The following ERO1A variants were observed in gnomAD, a reference collection of about 807,000 sequenced individuals.
The protein encoded by ERO1A is ERO1-like protein alpha.
A neutral mutation model predicts 76.9 loss-of-function variants in ERO1A; 49 were observed. The observed-to-expected ratio is 0.64, with a 90% CI of 0.51 to 0.81. The LOEUF is 0.81. Ranked by LOEUF, ERO1A falls within the 30% of genes least tolerant of loss-of-function variation. The pLI is 0.00. For synonymous variants in ERO1A, 174 were observed against 181.2 expected (o/e 0.96, Z 0.32); for missense variants, 448 against 542.1 (o/e 0.83, Z 1.72).
chr14:52,688,204 A>T (rs572641632), intron 1 of ERO1A, among the ~76,000 whole-genome samples: 1 of 152,162 alleles, frequency 6.6e-6, no homozygotes, highest in Non-Finnish European at 1.5e-5. Context: ...AGAAAAGAAA[A>T]AAAAAAAGTC....
At chr14:52,669,818 C>A (rs1002332641) in intron 6 of ERO1A, among the ~76,000 whole-genome samples, 1 of 152,096 alleles carries the variant, frequency 6.6e-6, no homozygotes, top group African/African-American at 2.4e-5. Flanking sequence ...AGCAATTTTC[C>A]CCAAAAAGAA....
At chr14:52,648,470 A>C (rs1422011491) in intron 13 of ERO1A, among the ~76,000 whole-genome samples, 1 of 152,232 alleles carries the variant, frequency 6.6e-6, no homozygotes, top group Non-Finnish European at 1.5e-5. Flanking sequence ...TAGAGACAAG[A>C]CTATATACCA....
intron 6 of ERO1A, 22 bp downstream of exon 6, chr14:52,671,608 C>CATTATATT: frequency 6.5e-7 from 1 of 1,536,706 alleles, no homozygotes. Context: ...AAACACAATG[C>CATTATATT]ATACTATCAA....
intron 6 of ERO1A, among the ~76,000 whole-genome samples, chr14:52,670,045 G>T (rs143469151): frequency 2.3e-3 from 352 of 152,258 alleles, no homozygotes; most frequent in African/African-American, 8.2e-3. Context: ...TCCCCGAGTA[G>T]CTGGGACTAC....
chr14:52,683,201 T>G (rs567151368), intron 2 of ERO1A, among the ~76,000 whole-genome samples: 3 of 151,874 alleles, frequency 2.0e-5, no homozygotes, highest in Admixed American at 6.6e-5. Context: ...AAAGCAAGAT[T>G]CTGTCTCAAA....
rs984909979 is a variant in ERO1A at position 52,693,843 on chromosome 14, G to A, written c.114+1525C>T. 3.9e-5 allele frequency among the ~76,000 whole-genome samples: 6 copies of A among 152,116 alleles called. No homozygotes were observed. The South Asian group carries it at 1.2e-3, about 32-fold the overall frequency. On this transcript the variant is annotated intron_variant, in intron 1 of 15. Transcript: ENST00000395686. ...TTGAGTCTGAAAAGAAACACAGATA[G>A]CCACTCTCGTTCTAAAAGAAAAAGA...
chr14:52,688,440 T>C (rs974672314), intron 1 of ERO1A, among the ~76,000 whole-genome samples: 19 of 152,194 alleles, frequency 1.2e-4, no homozygotes, highest in African/African-American at 4.3e-4. Context: ...TGGTTTCTCA[T>C]CTTAATAGAA....
chr14:52,653,250 A>T lies in ERO1A; in HGVS notation c.874T>A (p.Leu292Met), dbSNP rs1414726122. The T allele has an allele frequency of 1.2e-6, 2 of 1,612,496 alleles. No individual in the cohort carries two copies. The highest frequency in any genetic ancestry group is 2.7e-5 in the African/African-American group (2 of 74,892). ...CTTCTTGGACCTTCTCCTTCAGTCA[A>T]AATTCCATCAAATCGCTGTTGAAAT... ...TEFQQRFDGI[L>M]TEGEGPRRLK... The change falls in exon 12 of 16, where the codon TTG (leucine) becomes ATG (methionine). Residue 292 changes from leucine (L) to methionine (M), a missense_variant. By Grantham distance (15) the Leu-to-Met change is conservative. Coordinates refer to ENST00000395686, the MANE Select transcript of ERO1A (RefSeq NM_014584.3).
intron 13 of ERO1A, among the ~76,000 whole-genome samples, chr14:52,648,552 AACTTTT>A (rs555033106): frequency 1.7e-3 from 252 of 152,278 alleles, no homozygotes; most frequent in African/African-American, 5.6e-3. Flanking sequence ...AATAAAACAC[AACTTTT>A]ACTTTTAAAG....
At chr14:52,679,310 C>A (rs2040907734) in intron 3 of ERO1A, among the ~76,000 whole-genome samples, 1 of 152,182 alleles carries the variant, frequency 6.6e-6, no homozygotes, top group Non-Finnish European at 1.5e-5. Flanking sequence ...CACAATACTG[C>A]CAGTTAACAT....
At chr14:52,666,553 C>T in intron 6 of ERO1A, 58 bp from the exon 7 acceptor site, 1 of 1,418,694 alleles carries the variant, frequency 7.0e-7, no homozygotes, top group Non-Finnish European at 9.7e-7. Flanking sequence ...TAAAAAGCTA[C>T]TACACAAGAC....
intron 3 of ERO1A, among the ~76,000 whole-genome samples, chr14:52,679,130 C>A (rs1443288793): frequency 6.6e-6 from 1 of 152,120 alleles, no homozygotes; most frequent in Non-Finnish European, 1.5e-5. Context: ...GCCAAGCAGA[C>A]GCTGGCACCA....
At chr14:52,646,093 G>A (rs1341528167) in intron 15 of ERO1A, 61 bp downstream of exon 15, 1 of 1,529,122 alleles carries the variant, frequency 6.5e-7, no homozygotes, top group African/African-American at 1.4e-5. Context: ...TTTTCTGAGA[G>A]CATATATGTT....
Position 52,647,624 on chromosome 14 carries a change from C to T in ERO1A, c.1126-1163G>A, listed in dbSNP as rs184954556. On this transcript the variant is annotated intron_variant, in intron 13 of 15. Transcript: ENST00000395686. The stretch of plus-strand genomic sequence containing the variant: ...GAATATTATATCATTTATAATAGGG[C>T]GACATGCATCCAGCTAATCTAAACA... Among the ~76,000 whole-genome samples the T allele has an allele frequency of 8.6e-4, 131 of 151,980 alleles. No individual in the cohort carries two copies. In the Middle Eastern group the frequency reaches 0.01, roughly 12 times the overall value.
At chr14:52,691,747 T>C (rs545801787) in intron 1 of ERO1A, among the ~76,000 whole-genome samples, 2 of 152,346 alleles carry the variant, frequency 1.3e-5, no homozygotes, top group South Asian at 2.1e-4. Flanking sequence ...TCAAATAAGC[T>C]ATCCTGAGTG....
chr14:52,671,452 GTC>G (rs1261922485), intron 6 of ERO1A, 176 bp downstream of exon 6: 13 of 494,392 alleles, frequency 2.6e-5, no homozygotes, highest in African/African-American at 2.2e-4. Flanking sequence ...TCTGAGATGG[GTC>G]TTACTATGTT....
At chr14:52,644,880 C>A (rs2039592942) in intron 15 of ERO1A, among the ~76,000 whole-genome samples, 2 of 152,046 alleles carry the variant, frequency 1.3e-5, no homozygotes, top group Non-Finnish European at 2.9e-5. Context: ...ATGCTAGAGA[C>A]ACAATTTTGA....
intron 13 of ERO1A, among the ~76,000 whole-genome samples, chr14:52,648,356 T>C (rs2039741030): frequency 6.6e-6 from 1 of 152,054 alleles, no homozygotes; most frequent in African/African-American, 2.4e-5. Context: ...CTTTTAACAA[T>C]AATAACAGAG....
intron 6 of ERO1A, among the ~76,000 whole-genome samples, chr14:52,670,914 TCA>T (rs1426560455): frequency 6.6e-6 from 1 of 152,228 alleles, no homozygotes; most frequent in Non-Finnish European, 1.5e-5. Flanking sequence ...TTCATTATAT[TCA>T]CAGTGTTGTG....
Sources: gnomAD v4.1 joint callset for allele counts (sites outside exome capture counted in the v4.1 genomes callset) on GRCh38, gnomAD v4.1.1 for gene constraint, MANE v1.5 for transcripts, NCBI Gene and HGNC (gene_info 2026-07-23, HGNC 2026-07-21) for gene names.